The following MTMR3 variants were observed in gnomAD, a reference collection of about 807,000 sequenced individuals.
MTMR3 encodes the protein phosphatidylinositol-3,5-bisphosphate 3-phosphatase MTMR3.
A neutral mutation model predicts 132.4 loss-of-function variants in MTMR3; 32 were observed. The observed-to-expected ratio is 0.24, with a 90% CI of 0.18 to 0.32. The LOEUF (loss-of-function observed/expected upper bound fraction) is 0.32. MTMR3 is among the 10% of genes least tolerant of loss of function. MTMR3 has a pLI of 1.00. For synonymous variants in MTMR3, 556 were observed against 550.3 expected (o/e 1.01, Z -0.14); for missense variants, 1,216 against 1,489.6 (o/e 0.82, Z 3.02).
At chr22:29,995,323 A>G (rs1401626995) in intron 7 of MTMR3, 1 of 152,212 alleles carries the variant, frequency 6.6e-6, no homozygotes, top group East Asian at 1.9e-4. Context: ...GGTAGTTCTT[A>G]CCTTCTCTGA....
At chr22:29,923,041 A>ATTT (rs36099310) in intron 1 of MTMR3, among the ~76,000 whole-genome samples, 17 of 129,964 alleles carry the variant, frequency 1.3e-4, no homozygotes, top group South Asian at 2.5e-4. Flanking sequence ...CATCCAGCCA[A>ATTT]TTTTTTTTTT....
At position 29,971,686 on chromosome 22, in the gene MTMR3, C is replaced by G. The variant is rs112658424; in HGVS notation, c.3+624C>G. On this transcript the variant is annotated intron_variant, in intron 3 of 19. Coordinates refer to ENST00000401950, the MANE Select transcript of MTMR3 (RefSeq NM_021090.4). ...GTAGGTGGAGCAGCCCTGCACACCC[C>G]CTCCTGTATCTTTAACCAGAAAGAG... is the stretch of plus-strand genomic sequence containing the variant. 5.0e-3 allele frequency among the ~76,000 whole-genome samples: 766 copies of G among 152,140 alleles called. 4 individuals carry two copies. The highest frequency in any genetic ancestry group is 8.1e-3 in the Non-Finnish European group (552 of 68,024).
rs539330465 is a variant in MTMR3 at position 30,025,944 on chromosome 22, T to C, written c.*143T>C. 1.3e-4 allele frequency: 99 copies of C among 745,464 alleles called. 1 individual carries two copies. The East Asian group carries it at 2.5e-3, about 19-fold the overall frequency. 46.2% of individuals were successfully genotyped at this position (745,464 alleles called of 1,614,324 possible). ...GAGTGACAGATTTGGGATGCACCAC[T>C]GGATTGTAGATTGATTTTTCTTTCC... On this transcript the variant is annotated 3_prime_UTR_variant, in exon 20 of 20. Coordinates refer to ENST00000401950, the MANE Select transcript of MTMR3 (RefSeq NM_021090.4).
rs550230579 is a variant in MTMR3, at chr22:29,964,264, G to A, written c.-84-6712G>A. ...CCACTGTGGGGTTCACATTTTACAA[G>A]TCAGGTGCTGTAATGAACCCTGAAT... is the stretch of plus-strand genomic sequence containing the variant. On this transcript the variant is annotated intron_variant, in intron 2 of 19. Coordinates refer to ENST00000401950, the MANE Select transcript of MTMR3 (RefSeq NM_021090.4). Among the ~76,000 whole-genome samples, 3 of 152,318 alleles carry A rather than the reference G, an allele frequency of 2.0e-5. No individual in the cohort carries two copies. The South Asian group carries it at 6.2e-4, about 32-fold the overall frequency.
At chr22:29,889,461 A>G (rs543409721) in intron 1 of MTMR3, among the ~76,000 whole-genome samples, 1 of 151,502 alleles carries the variant, frequency 6.6e-6, no homozygotes, top group Non-Finnish European at 1.5e-5. Flanking sequence ...TAATTTTTGT[A>G]TTTTTAGTAG....
chr22:30,007,732 A>G (rs2067303849), intron 10 of MTMR3, 169 bp from the exon 11 acceptor site: 5 of 747,464 alleles, frequency 6.7e-6, no homozygotes, highest in Non-Finnish European at 1.1e-5. Flanking sequence ...CTTTCATAAG[A>G]AGGCCACATA....
At chr22:29,891,117 GA>G (rs71324793) in intron 1 of MTMR3, among the ~76,000 whole-genome samples, 32,760 of 151,044 alleles carry the variant, frequency 0.22, 3,976 homozygotes, top group Middle Eastern at 0.39. Context: ...AAGAGAAAAA[GA>G]AAAAAATTGA....
chr22:29,929,196 G>A (rs555117426), intron 1 of MTMR3, among the ~76,000 whole-genome samples: 3 of 152,068 alleles, frequency 2.0e-5, no homozygotes, highest in Non-Finnish European at 4.4e-5. Context: ...CAGGAGAATC[G>A]CTTGAGCCTG....
intron 1 of MTMR3, among the ~76,000 whole-genome samples, chr22:29,922,311 G>A (rs1674703266): frequency 6.6e-6 from 1 of 152,068 alleles, no homozygotes; most frequent in African/African-American, 2.4e-5. Flanking sequence ...GAGCCACCAC[G>A]CCCGGCCTGT....
At chr22:29,941,356 T>G (rs1420668841) in intron 1 of MTMR3, among the ~76,000 whole-genome samples, 4 of 152,148 alleles carry the variant, frequency 2.6e-5, no homozygotes, top group African/African-American at 9.7e-5. Flanking sequence ...ATGAGTAAGG[T>G]TGCTGTGAAC....
At chr22:29,892,775 T>C (rs1164303189) in intron 1 of MTMR3, among the ~76,000 whole-genome samples, 2 of 152,236 alleles carry the variant, frequency 1.3e-5, no homozygotes, top group African/African-American at 4.8e-5. Flanking sequence ...GAGTGATTAC[T>C]TTTTTGCCAG....
Position 30,017,919 on chromosome 22 carries a change from C to A in MTMR3, c.1675-8C>A, listed in dbSNP as rs775839952. 1.2e-6 allele frequency: 2 copies of A among 1,612,366 alleles called. No homozygotes were observed. Among genetic ancestry groups the A allele is most frequent in the Middle Eastern group, 1.6e-4 (1 of 6,082 alleles). The stretch of plus-strand genomic sequence containing the variant: ...CATATTTAAACCTGTGTCCTCCCCC[C>A]TCCTCAGGTGCTGTACCCTGTGTGC... On this transcript the variant is annotated splice_polypyrimidine_tract_variant and splice_region_variant and intron_variant, in intron 15 of 19. Transcript: ENST00000401950.
chr22:30,017,800 T>C (rs2067634769), intron 15 of MTMR3, 127 bp from the exon 16 acceptor site: 1 of 1,205,506 alleles, frequency 8.3e-7, no homozygotes, highest in Non-Finnish European at 1.2e-6. Context: ...TTGGTGCTGC[T>C]TCTTTGTGGA....
chr22:30,022,905 A>G, intron 19 of MTMR3: 1 of 556,158 alleles, frequency 1.8e-6, no homozygotes, highest in Non-Finnish European at 3.2e-6. Flanking sequence ...TTAAATTCTG[A>G]AATGTGCAAA....
intron 2 of MTMR3, among the ~76,000 whole-genome samples, chr22:29,965,103 T>G (rs1041180233): frequency 2.0e-5 from 3 of 152,146 alleles, no homozygotes; most frequent in African/African-American, 7.2e-5. Flanking sequence ...CCAGTCCCTG[T>G]CTCAGCATCC....
chr22:30,021,842 C>T, intron 17 of MTMR3, 187 bp from the exon 18 acceptor site: 1 of 597,292 alleles, frequency 1.7e-6, no homozygotes. Context: ...TATCCCTCTC[C>T]CAGCTGAGCC....
chr22:29,967,978 T>TGAA (rs2066462793), intron 2 of MTMR3, among the ~76,000 whole-genome samples: 1 of 152,112 alleles, frequency 6.6e-6, no homozygotes, highest in Non-Finnish European at 1.5e-5. Flanking sequence ...TCACATTTTG[T>TGAA]TTGTCCATTC....
chr22:29,987,901 A>G (rs187194492), intron 5 of MTMR3: 2 of 152,346 alleles, frequency 1.3e-5, no homozygotes, highest in East Asian at 1.9e-4. Context: ...TTTTGGGTCT[A>G]TTCTACTTAG....
intron 2 of MTMR3, among the ~76,000 whole-genome samples, chr22:29,967,702 C>T (rs1472820809): frequency 6.6e-6 from 1 of 152,072 alleles, no homozygotes; most frequent in Non-Finnish European, 1.5e-5. Flanking sequence ...TTAGCAGTCA[C>T]TCCCTATTCT....
Sources: gnomAD v4.1 joint callset for allele counts (sites outside exome capture counted in the v4.1 genomes callset) on GRCh38, gnomAD v4.1.1 for gene constraint, MANE v1.5 for transcripts, NCBI Gene and HGNC (gene_info 2026-07-23, HGNC 2026-07-21) for gene names.